The following CNTN3 variants were observed in gnomAD, a reference collection of about 807,000 sequenced individuals.
CNTN3 encodes contactin-3.
CNTN3 carries 60 observed loss-of-function variants against 119.1 expected under a neutral mutation model. The ratio of observed to expected loss-of-function variants is 0.50; its 90% CI spans 0.41 to 0.62. CNTN3 has a LOEUF of 0.62. CNTN3 is among the 20% of genes least tolerant of loss of function. The pLI, the probability that CNTN3 is intolerant of heterozygous loss-of-function variation, is 0.00. For missense variants in CNTN3, 1,101 were observed against 1,242.4 expected, an observed-to-expected ratio of 0.89 and a Z score of 1.71; for synonymous variants, 450 against 438.7, an observed-to-expected ratio of 1.03 and a Z score of -0.32.
In CNTN3 at chr3:74,612,988, T is replaced by C. The variant is rs571127197; in HGVS notation, c.-81+1403A>G. On this transcript the variant is annotated intron_variant, in intron 1 of 22. Transcript: ENST00000263665. ...TCTCCCTAGTCCCATGACCCACAAA[T>C]GGTTAAAACCATGAACCAAGATGCC... is the stretch of plus-strand genomic sequence containing the variant. Among the ~76,000 whole-genome samples the C allele has an allele frequency of 3.3e-5, 5 of 152,304 alleles. No individual in the cohort carries two copies. The South Asian group carries it at 1.0e-3, about 32-fold the overall frequency.
At position 74,521,066 on chromosome 3, in the gene CNTN3, C is replaced by G; in HGVS notation, c.47G>C (p.Cys16Ser). The G allele has an allele frequency of 6.3e-7, 1 of 1,596,862 alleles. No homozygotes were observed. Residue 16 changes from cysteine (C) to serine (S), a missense_variant, in exon 2 of 23, where the codon TGC (cysteine) becomes TCC (serine). Coordinates refer to ENST00000263665, the MANE Select transcript of CNTN3 (RefSeq NM_020872.3). ...KQLILLSFIG[C>S]LGGELLLQGP... ...ATAGGATTTTTTTTTACCTCCTAAG[C>G]AGCCAATGAATGAAAGCAGGATCAA...
chr3:74,336,873 C>T (rs1575735143), intron 11 of CNTN3, among the ~76,000 whole-genome samples: 2 of 151,844 alleles, frequency 1.3e-5, no homozygotes, highest in Admixed American at 6.6e-5. Flanking sequence ...ACAAAAGATG[C>T]TCCACCAATT....
chr3:74,517,952 T>C (rs961082670), intron 2 of CNTN3, among the ~76,000 whole-genome samples: 1 of 152,000 alleles, frequency 6.6e-6, no homozygotes, highest in South Asian at 2.1e-4. Flanking sequence ...TTTTATGTGA[T>C]GAGTACTTTA....
intron 5 of CNTN3, among the ~76,000 whole-genome samples, chr3:74,381,849 T>C (rs1455144753): frequency 6.6e-6 from 1 of 152,232 alleles, no homozygotes; most frequent in African/African-American, 2.4e-5. Flanking sequence ...ACAAGGTTAC[T>C]GCTCAAATTC....
chr3:74,559,478 T>C (rs17012609), intron 1 of CNTN3, among the ~76,000 whole-genome samples: 4,303 of 152,214 alleles, frequency 0.028, 192 homozygotes, highest in African/African-American at 0.097. Context: ...GCAGTTGCTG[T>C]GTACCTTGTG....
At chr3:74,279,893 G>T (rs1266540760) in intron 20 of CNTN3, among the ~76,000 whole-genome samples, 1 of 152,016 alleles carries the variant, frequency 6.6e-6, no homozygotes, top group Non-Finnish European at 1.5e-5. Context: ...TGGGGTGAGG[G>T]GGATAAGTGG....
chr3:74,405,555 C>G (rs983737950), intron 5 of CNTN3, among the ~76,000 whole-genome samples: 2 of 151,930 alleles, frequency 1.3e-5, no homozygotes, highest in African/African-American at 4.8e-5. Context: ...TATCATTATT[C>G]CAAAAATTTT....
chr3:74,515,967 A>G (rs1703443435), intron 2 of CNTN3, among the ~76,000 whole-genome samples: 1 of 151,876 alleles, frequency 6.6e-6, no homozygotes, highest in Non-Finnish European at 1.5e-5. Context: ...CTATCTCCCA[A>G]TCGCTGATAA....
chr3:74,530,530 G>C (rs982242700), intron 1 of CNTN3, among the ~76,000 whole-genome samples: 7 of 151,856 alleles, frequency 4.6e-5, no homozygotes, highest in African/African-American at 1.4e-4. Flanking sequence ...GGATGCAGTG[G>C]TCTGGGATGA....
At chr3:74,487,587 A>G (rs1456241822) in intron 3 of CNTN3, among the ~76,000 whole-genome samples, 2 of 152,156 alleles carry the variant, frequency 1.3e-5, no homozygotes, top group East Asian at 3.8e-4. Context: ...TGAGTTGACA[A>G]CTGTCCCCAA....
chr3:74,441,151 G>C (rs540515226), intron 4 of CNTN3, among the ~76,000 whole-genome samples: 1 of 152,070 alleles, frequency 6.6e-6, no homozygotes, highest in Non-Finnish European at 1.5e-5. Flanking sequence ...ACTCTTGATA[G>C]TTTTCATGAC....
At chr3:74,379,491 G>A (rs1304618368) in intron 5 of CNTN3, among the ~76,000 whole-genome samples, 3 of 152,064 alleles carry the variant, frequency 2.0e-5, no homozygotes, top group Admixed American at 2.0e-4. Flanking sequence ...TGCTGCTATT[G>A]ATATAGCAAT....
intron 2 of CNTN3, among the ~76,000 whole-genome samples, chr3:74,504,352 C>T (rs1177879724): frequency 2.0e-5 from 3 of 152,108 alleles, no homozygotes; most frequent in Admixed American, 2.0e-4. Context: ...CAATCCCAAA[C>T]AGAATGAGCT....
intron 13 of CNTN3, among the ~76,000 whole-genome samples, chr3:74,328,232 CA>C (rs1277063909): frequency 6.6e-6 from 1 of 152,056 alleles, no homozygotes; most frequent in African/African-American, 2.4e-5. Flanking sequence ...AAAGTCTACA[CA>C]GTCTTATTTC....
chr3:74,284,373 A>G (rs931727570), intron 20 of CNTN3, among the ~76,000 whole-genome samples: 1 of 152,116 alleles, frequency 6.6e-6, no homozygotes, highest in Non-Finnish European at 1.5e-5. Context: ...TAAGAAAACA[A>G]TTTTCTGCAA....
chr3:74,367,868 C>T (rs1389432146), intron 8 of CNTN3, among the ~76,000 whole-genome samples: 1 of 152,036 alleles, frequency 6.6e-6, no homozygotes, highest in Non-Finnish European at 1.5e-5. Context: ...ATAATGGTCA[C>T]TTCTTATCCT....
At chr3:74,591,923 G>A (rs1456737535) in intron 1 of CNTN3, among the ~76,000 whole-genome samples, 1 of 151,832 alleles carries the variant, frequency 6.6e-6, no homozygotes, top group Non-Finnish European at 1.5e-5. Flanking sequence ...GATGTAGAGA[G>A]GATGGGCTCC....
rs555815657 is a variant in CNTN3 at position 74,472,155 on chromosome 3, T to C, written c.358+14301A>G. ...ATAATGAAGATCTCAGTGATGAAGA[T>C]TCCAAATTCAACTCAACCTCAGTGG... On this transcript the variant is annotated intron_variant, in intron 4 of 22. Transcript: ENST00000263665. 5.3e-5 allele frequency among the ~76,000 whole-genome samples: 8 copies of C among 152,286 alleles called. No homozygotes were observed. The East Asian group carries it at 1.5e-3, about 29-fold the overall frequency.
intron 4 of CNTN3, among the ~76,000 whole-genome samples, chr3:74,460,598 T>A (rs1176920887): frequency 6.6e-6 from 1 of 151,556 alleles, no homozygotes; most frequent in South Asian, 2.1e-4. Flanking sequence ...TTCATTATCA[T>A]ATTAAAATAC....
Sources: allele counts gnomAD v4.1 joint callset (sites outside exome capture counted in the v4.1 genomes callset), GRCh38; gene constraint gnomAD v4.1.1; transcripts MANE v1.5; gene names NCBI Gene and HGNC (gene_info 2026-07-23, HGNC 2026-07-21).